Variants in PRKG1 observed in about 807,000 individuals in gnomAD.
PRKG1 encodes protein kinase cGMP-dependent 1.
PRKG1 carries 35 observed loss-of-function variants against 88.1 expected under a neutral mutation model. The ratio of observed to expected loss-of-function variants is 0.40; its 90% CI spans 0.30 to 0.53. PRKG1 has a LOEUF of 0.53. PRKG1 is among the 20% of genes least tolerant of loss of function. The probability of loss-of-function intolerance (pLI) is 0.59; values close to 1 mark genes in which losing one functional copy is unlikely to be tolerated. For synonymous variants in PRKG1, 303 were observed against 292.5 expected (o/e 1.04, Z -0.37); for missense variants, 540 against 839.8 (o/e 0.64, Z 4.41).
rs1052859838 is a variant in PRKG1, at chr10:52,296,193, T to TA, written c.*2298dup. On this transcript the variant is annotated 3_prime_UTR_variant, in exon 18 of 18. Coordinates refer to ENST00000373980, the MANE Select transcript of PRKG1 (RefSeq NM_006258.4). ...AAGAGAATCTGCTCCTATAACGTTT[T>TA]AAAAATCCCCAAAGTCCCAGAGATT... The TA allele has an allele frequency of 7.2e-5, 11 of 152,178 alleles. No individual in the cohort carries two copies. The highest frequency in any genetic ancestry group is 2.6e-4 in the African/African-American group (11 of 41,570). 9.4% of individuals were successfully genotyped at this position (152,178 alleles called of 1,614,324 possible).
intron 3 of PRKG1, among the ~76,000 whole-genome samples, chr10:51,519,498 G>A (rs1841681210): frequency 6.6e-6 from 1 of 151,924 alleles, no homozygotes; most frequent in African/African-American, 2.4e-5. Flanking sequence ...AAAACATGAG[G>A]GGGGAAATCT....
intron 9 of PRKG1, among the ~76,000 whole-genome samples, chr10:52,191,955 C>T (rs1470358108): frequency 6.6e-6 from 1 of 152,212 alleles, no homozygotes; most frequent in Non-Finnish European, 1.5e-5. Flanking sequence ...TACTGTTTAT[C>T]CTCATTCATT....
intron 7 of PRKG1, chr10:52,128,500 C>T (rs1006719413): frequency 6.3e-5 from 62 of 985,140 alleles, no homozygotes; most frequent in Non-Finnish European, 7.4e-5. Flanking sequence ...TGGGATACAG[C>T]GATGATGAAG....
intron 4 of PRKG1, among the ~76,000 whole-genome samples, chr10:51,875,117 AC>A (rs1400412456): frequency 2.6e-5 from 4 of 152,128 alleles, no homozygotes; most frequent in Non-Finnish European, 5.9e-5. Flanking sequence ...AAGTAGTAGT[AC>A]CTTTTTCCAT....
chr10:52,021,204 G>A (rs1845175458), intron 5 of PRKG1, among the ~76,000 whole-genome samples: 1 of 152,204 alleles, frequency 6.6e-6, no homozygotes, highest in Admixed American at 6.5e-5. Flanking sequence ...TGTTACTAGA[G>A]CAGAGGTTTA....
At chr10:51,354,937 A>C (rs1842333392) in intron 2 of PRKG1, among the ~76,000 whole-genome samples, 2 of 152,096 alleles carry the variant, frequency 1.3e-5, no homozygotes, top group African/African-American at 2.4e-5. Flanking sequence ...CCTCCCTCTG[A>C]GCATGGTAGC....
intron 3 of PRKG1, among the ~76,000 whole-genome samples, chr10:51,639,555 C>T (rs1839747514): frequency 6.8e-6 from 1 of 147,862 alleles, no homozygotes; most frequent in African/African-American, 2.5e-5. Flanking sequence ...TAACTCTGAG[C>T]TTCCTGGAAG....
At chr10:51,007,462 A>G (rs1403450473) in intron 1 of PRKG1, among the ~76,000 whole-genome samples, 2 of 152,212 alleles carry the variant, frequency 1.3e-5, no homozygotes, top group Non-Finnish European at 2.9e-5. Context: ...TTACATTGTA[A>G]GATGAACTCA....
chr10:51,251,984 A>T (rs1227131136), intron 2 of PRKG1, among the ~76,000 whole-genome samples: 1 of 151,814 alleles, frequency 6.6e-6, no homozygotes, highest in Admixed American at 6.6e-5. Context: ...TTACTTGCAT[A>T]TTTATGTTGC....
chr10:51,216,029 G>A (rs1376875530), intron 2 of PRKG1, among the ~76,000 whole-genome samples: 2 of 152,200 alleles, frequency 1.3e-5, no homozygotes, highest in South Asian at 2.1e-4. Context: ...AAGTGCCAAG[G>A]CCCTGAGGTA....
chr10:51,288,936 A>G (rs2339711), intron 2 of PRKG1, among the ~76,000 whole-genome samples: 82,283 of 151,874 alleles, frequency 0.54, 25,932 homozygotes, highest in African/African-American at 0.88. Context: ...TATGTATGAT[A>G]TGTAAAATTA....
At chr10:51,553,323 T>C (rs1837189483) in intron 3 of PRKG1, among the ~76,000 whole-genome samples, 1 of 151,742 alleles carries the variant, frequency 6.6e-6, no homozygotes, top group Admixed American at 6.6e-5. Context: ...CGATGAATAC[T>C]TCTGGGGCCA....
In PRKG1 at chr10:51,593,246, C is replaced by G. The variant is rs577212159; in HGVS notation, c.592+125410C>G. On this transcript the variant is annotated intron_variant, in intron 3 of 17. Coordinates refer to ENST00000373980, the MANE Select transcript of PRKG1 (RefSeq NM_006258.4). The stretch of plus-strand genomic sequence containing the variant: ...TTATTGAAAATACATTTCTCATATA[C>G]AAATTATATTGTCTTCAAGAGAAAT... Among the ~76,000 whole-genome samples, 3 of 152,188 alleles carry G rather than the reference C, an allele frequency of 2.0e-5. No individual in the cohort carries two copies. The East Asian group carries it at 5.8e-4, about 29-fold the overall frequency.
intron 3 of PRKG1, among the ~76,000 whole-genome samples, chr10:51,687,611 G>GA (rs1384000188): frequency 3.9e-5 from 6 of 152,130 alleles, no homozygotes; most frequent in Non-Finnish European, 5.9e-5. Context: ...TATCCTACCA[G>GA]AAAAATAATG....
At chr10:51,456,307 A>G (rs1452130635) in intron 2 of PRKG1, among the ~76,000 whole-genome samples, 1 of 152,198 alleles carries the variant, frequency 6.6e-6, no homozygotes, top group Non-Finnish European at 1.5e-5. Context: ...CTTCAATTCA[A>G]GATGAGATTT....
intron 3 of PRKG1, among the ~76,000 whole-genome samples, chr10:51,532,687 T>C (rs1174840459): frequency 6.6e-6 from 1 of 151,906 alleles, no homozygotes; most frequent in Non-Finnish European, 1.5e-5. Flanking sequence ...AGTTGGTCAA[T>C]GTTATTTCTG....
chr10:51,157,154 A>T (rs1225820500), intron 2 of PRKG1, among the ~76,000 whole-genome samples: 1 of 151,916 alleles, frequency 6.6e-6, no homozygotes, highest in Non-Finnish European at 1.5e-5. Context: ...ATATGGTAAG[A>T]CTTTGTTAAT....
chr10:51,938,017 A>G (rs961060548), intron 5 of PRKG1, among the ~76,000 whole-genome samples: 1 of 151,988 alleles, frequency 6.6e-6, no homozygotes, highest in African/African-American at 2.4e-5. Flanking sequence ...ACTTCCAACC[A>G]TCAACATTGT....
chr10:51,953,622 C>G (rs1340978579), intron 5 of PRKG1, among the ~76,000 whole-genome samples: 2 of 152,132 alleles, frequency 1.3e-5, no homozygotes, highest in Non-Finnish European at 2.9e-5. Flanking sequence ...GAGTCTACCA[C>G]AGTGCCTGGC....
Sources: gnomAD v4.1 joint callset for allele counts (sites outside exome capture counted in the v4.1 genomes callset) on GRCh38, gnomAD v4.1.1 for gene constraint, MANE v1.5 for transcripts, NCBI Gene and HGNC (gene_info 2026-07-23, HGNC 2026-07-21) for gene names.